Variants in PACSIN1 observed in about 807,000 individuals in gnomAD.
PACSIN1 encodes protein kinase C and casein kinase substrate in neurons protein 1.
PACSIN1 carries 15 observed loss-of-function variants against 59.5 expected under a neutral mutation model. The ratio of observed to expected loss-of-function variants is 0.25; its 90% confidence interval spans 0.17 to 0.39. PACSIN1 has a LOEUF of 0.39. PACSIN1 is among the 10% of genes least tolerant of loss of function. The probability of loss-of-function intolerance (pLI) is 1.00; values close to 1 mark genes in which losing one functional copy is unlikely to be tolerated. For missense variants in PACSIN1, 420 were observed against 580.2 expected, an observed-to-expected ratio of 0.72 and a Z score of 2.84; for synonymous variants, 210 against 220.6, an observed-to-expected ratio of 0.95 and a Z score of 0.42.
rs890500319 is a variant in PACSIN1, at chr6:34,528,536, T to C, written c.221-106T>C. The C allele has an allele frequency of 5.9e-6, 5 of 845,464 alleles. No homozygotes were observed. In the African/African-American group the frequency reaches 8.3e-5, roughly 14 times the overall value. The allele number at this position is 845,464 out of a possible 1,614,324, so 52.4% of individuals were successfully genotyped here. A position where few individuals can be genotyped will look rare whatever the true frequency, so the allele number is the denominator to read the frequency against. On this transcript the variant is annotated intron_variant, in intron 3 of 9. Coordinates refer to ENST00000244458, the MANE Select transcript of PACSIN1 (RefSeq NM_020804.5). ...GGCCACGTAGAGCAGAGGAGGGCAT[T>C]TCTGTTGCTATGAGAGGAAAGGGAA... is the stretch of plus-strand genomic sequence containing the variant.
chr6:34,504,847 G>A (rs559981675), intron 1 of PACSIN1, among the ~76,000 whole-genome samples: 3 of 152,180 alleles, frequency 2.0e-5, no homozygotes, highest in South Asian at 4.2e-4. Flanking sequence ...CATTCTTGAA[G>A]GATATTTTCT....
At position 34,516,670 on chromosome 6, in the gene PACSIN1, C is replaced by CA. The variant is rs1467872199; in HGVS notation, c.-63-9572dup. ...GCCCTCCAGGCCTGGCCCCGACCTC[C>CA]AGCCCCTGGCCTGCCTCCTCTAGGC... On this transcript the variant is annotated intron_variant, in intron 1 of 9. Coordinates refer to ENST00000244458, the MANE Select transcript of PACSIN1 (RefSeq NM_020804.5). The surrounding 1 kb of genome is among the most constrained non-coding windows in gnomAD (Gnocchi z 5.4). 6.6e-6 allele frequency among the ~76,000 whole-genome samples: 1 copy of CA among 152,174 alleles called. No individual in the cohort carries two copies. The highest frequency in any genetic ancestry group is 1.5e-5 in the Non-Finnish European group (1 of 68,002).
rs140028770 is a variant in PACSIN1, at chr6:34,489,999, T to G, written c.-64+23729T>G. On this transcript the variant is annotated intron_variant, in intron 1 of 9. Coordinates refer to ENST00000244458, the MANE Select transcript of PACSIN1 (RefSeq NM_020804.5). Reference sequence around the variant, plus strand: ...TGAAACCTTACTCAGATCTGGAAACTTCTCAAAGGACCAGGACTTTCCATT... The same window carrying G: ...TGAAACCTTACTCAGATCTGGAAACGTCTCAAAGGACCAGGACTTTCCATT... 1.7e-3 allele frequency among the ~76,000 whole-genome samples: 257 copies of G among 152,176 alleles called. 1 individual carries two copies. The highest frequency in any genetic ancestry group is 5.8e-3 in the African/African-American group (242 of 41,518).
At chr6:34,474,524 T>A (rs1766611728) in intron 1 of PACSIN1, among the ~76,000 whole-genome samples, 1 of 152,104 alleles carries the variant, frequency 6.6e-6, no homozygotes, top group Non-Finnish European at 1.5e-5. Flanking sequence ...ATGCAGTGGC[T>A]CACACCTGTA....
intron 2 of PACSIN1, 121 bp downstream of exon 2, chr6:34,526,489 A>C: frequency 1.3e-6 from 1 of 744,946 alleles, no homozygotes; most frequent in Non-Finnish European, 2.2e-6. Flanking sequence ...GGCCCCTCCA[A>C]AGCCCTGGGT....
At chr6:34,496,562 C>T (rs868769021) in intron 1 of PACSIN1, among the ~76,000 whole-genome samples, 4 of 152,372 alleles carry the variant, frequency 2.6e-5, no homozygotes, top group Non-Finnish European at 4.4e-5. Flanking sequence ...CTTGCTGACT[C>T]GTGGGAAGAC....
At chr6:34,467,306 A>G (rs1308799816) in intron 1 of PACSIN1, among the ~76,000 whole-genome samples, 4 of 152,190 alleles carry the variant, frequency 2.6e-5, no homozygotes, top group African/African-American at 9.7e-5. Flanking sequence ...ATCTCCTTCT[A>G]GACCAGAAGT....
intron 1 of PACSIN1, among the ~76,000 whole-genome samples, chr6:34,523,880 G>T (rs1196286210): frequency 6.6e-6 from 1 of 152,192 alleles, no homozygotes; most frequent in Non-Finnish European, 1.5e-5. Context: ...GCCCACCACT[G>T]TGTGGGTCAG....
At chr6:34,479,584 C>T (rs1450353750) in intron 1 of PACSIN1, among the ~76,000 whole-genome samples, 2 of 151,790 alleles carry the variant, frequency 1.3e-5, no homozygotes, top group African/African-American at 4.8e-5. Context: ...CACAGGAGTG[C>T]ACCACCATGC....
chr6:34,503,732 T>C lies in PACSIN1; in HGVS notation c.-63-22511T>C, dbSNP rs1268896825. On this transcript the variant is annotated intron_variant, in intron 1 of 9. Transcript: ENST00000244458. ...TCTCACGGACTGTTGCAACAGCCTC[T>C]TTTTTGTTGTTTTTAATTGAAGTGT... Among the ~76,000 whole-genome samples the C allele has an allele frequency of 2.6e-5, 4 of 152,166 alleles. No homozygotes were observed. In the East Asian group the frequency reaches 7.7e-4, roughly 29 times the overall value.
chr6:34,531,513 G>A lies in PACSIN1; in HGVS notation c.1038-87G>A. On this transcript the variant is annotated intron_variant, in intron 8 of 9. Transcript: ENST00000244458. This position sits in a 1 kb window ranked among gnomAD's most constrained non-coding sequence, Gnocchi z 4.4. ...TTGCTCTAGCCTTGGTAGAATTCGG[G>A]ATCAGGGCTCTGATTAGGAGGAGCG... is the stretch of plus-strand genomic sequence containing the variant. 1.5e-6 allele frequency: 2 copies of A among 1,366,578 alleles called. No individual in the cohort carries two copies. The highest frequency in any genetic ancestry group is 1.4e-5 in the African/African-American group (1 of 69,518). The allele number at this position is 1,366,578 out of a possible 1,614,324, so 84.7% of individuals were successfully genotyped here.
chr6:34,468,720 G>A (rs1232201085), intron 1 of PACSIN1, among the ~76,000 whole-genome samples: 1 of 152,124 alleles, frequency 6.6e-6, no homozygotes, highest in Admixed American at 6.5e-5. Context: ...CCCCAGCTTG[G>A]GCTGGGAACC....
chr6:34,521,143 T>C lies in PACSIN1; in HGVS notation c.-63-5100T>C, dbSNP rs948440101. Reference sequence around the variant, plus strand: ...ACACCGCTGACTGGACTAAGTGACATTCCTGTGGGAAGGAGGACACGCAAC... The same window carrying C: ...ACACCGCTGACTGGACTAAGTGACACTCCTGTGGGAAGGAGGACACGCAAC... On this transcript the variant is annotated intron_variant, in intron 1 of 9. Transcript: ENST00000244458. This position sits in a 1 kb window ranked among gnomAD's most constrained non-coding sequence, Gnocchi z 4.3. Among the ~76,000 whole-genome samples, 1 of 152,174 alleles carries C rather than the reference T, an allele frequency of 6.6e-6. No individual in the cohort carries two copies. The highest frequency in any genetic ancestry group is 2.4e-5 in the African/African-American group (1 of 41,450).
rs1767551960 is a variant in PACSIN1 at position 34,529,557 on chromosome 6, T to C, written c.612+5T>C. ...TGCAAGCAGGATGTGCAGAAGGTGCTGGCGGGCAGGGATGGCAGTAGGGGG... is the reference window on the plus strand; with the variant it reads ...TGCAAGCAGGATGTGCAGAAGGTGCCGGCGGGCAGGGATGGCAGTAGGGGG... On this transcript the variant is annotated splice_donor_5th_base_variant and intron_variant, in intron 5 of 9. Coordinates refer to ENST00000244458, the MANE Select transcript of PACSIN1 (RefSeq NM_020804.5). The surrounding 1 kb of genome is among the most constrained non-coding windows in gnomAD (Gnocchi z 6.3). 1 of 1,613,856 alleles carries C rather than the reference T, an allele frequency of 6.2e-7. No individual in the cohort carries two copies. The highest frequency in any genetic ancestry group is 8.5e-7 in the Non-Finnish European group (1 of 1,179,916).
intron 1 of PACSIN1, among the ~76,000 whole-genome samples, chr6:34,469,099 G>A (rs1002799734): frequency 6.6e-6 from 1 of 151,358 alleles, no homozygotes; most frequent in Non-Finnish European, 1.5e-5. Context: ...GACAGGAGAG[G>A]ACATGAGGGG....
chr6:34,472,087 ATGGTGAAACCC>A (rs1766578862), intron 1 of PACSIN1, among the ~76,000 whole-genome samples: 1 of 152,010 alleles, frequency 6.6e-6, no homozygotes, highest in South Asian at 2.1e-4. Context: ...CCTGGCCAAT[ATGGTGAAACCC>A]CTGTCTCTAC....
intron 1 of PACSIN1, among the ~76,000 whole-genome samples, chr6:34,468,650 T>C (rs1295428943): frequency 6.6e-6 from 1 of 152,152 alleles, no homozygotes; most frequent in African/African-American, 2.4e-5. Flanking sequence ...CCCTCTTCCT[T>C]CCCACCCAAA....
chr6:34,486,458 G>C (rs1766795592), intron 1 of PACSIN1, among the ~76,000 whole-genome samples: 1 of 152,162 alleles, frequency 6.6e-6, no homozygotes, highest in African/African-American at 2.4e-5. Flanking sequence ...GGAGGCCACG[G>C]GGTATGGAAC....
Position 34,491,110 on chromosome 6 carries a change from C to T in PACSIN1, c.-64+24840C>T, listed in dbSNP as rs377016000. 8.5e-5 allele frequency among the ~76,000 whole-genome samples: 13 copies of T among 152,196 alleles called. No individual in the cohort carries two copies. The East Asian group carries it at 1.7e-3, about 20-fold the overall frequency. ...AGCATTGAACTTCTTCTGTTTTACG[C>T]TCCCCTCATAACTGCGCCCTGGGCC... On this transcript the variant is annotated intron_variant, in intron 1 of 9. Coordinates refer to ENST00000244458, the MANE Select transcript of PACSIN1 (RefSeq NM_020804.5).
Sources: gnomAD v4.1 joint callset for allele counts (sites outside exome capture counted in the v4.1 genomes callset) on GRCh38, gnomAD v4.1.1 for gene constraint, Gnocchi (gnomAD v3.1) non-coding constraint, MANE v1.5 for transcripts, NCBI Gene and HGNC (gene_info 2026-07-23, HGNC 2026-07-21) for gene names.